The following BMPER variants were observed in gnomAD, a reference collection of about 807,000 sequenced individuals.
BMPER encodes BMP-binding endothelial regulator protein.
BMPER carries 45 observed loss-of-function variants against 87.3 expected under a neutral mutation model. The observed-to-expected ratio is 0.52, with a 90% CI of 0.41 to 0.66. The LOEUF (loss-of-function observed/expected upper bound fraction) is 0.66. Among genes scored for constraint, BMPER ranks in the 30% least tolerant of loss-of-function variants. The pLI is 0.00. For synonymous variants in BMPER, 326 were observed against 316.2 expected, an observed-to-expected ratio of 1.03 and a Z score of -0.33; for missense variants, 784 against 867.5, an observed-to-expected ratio of 0.90 and a Z score of 1.21.
chr7:34,020,859 A>C (rs1427680968), intron 6 of BMPER, among the ~76,000 whole-genome samples: 1 of 146,750 alleles, frequency 6.8e-6, no homozygotes, highest in Non-Finnish European at 1.5e-5. Flanking sequence ...TGAATTTCTT[A>C]ACACACACAC....
intron 3 of BMPER, among the ~76,000 whole-genome samples, chr7:33,944,563 T>C (rs1784838580): frequency 6.6e-6 from 1 of 152,216 alleles, no homozygotes; most frequent in Non-Finnish European, 1.5e-5. Flanking sequence ...AATTATTAAT[T>C]TTTTTGTTTG....
intron 6 of BMPER, among the ~76,000 whole-genome samples, chr7:34,031,883 CATATATATATATATATAT>C (rs757962483): frequency 8.1e-4 from 43 of 53,066 alleles, no homozygotes; most frequent in African/African-American, 1.7e-3. Flanking sequence ...TTAATTTGAC[CATATATATATATATATAT>C]ATATATATAT....
At chr7:34,041,569 C>T (rs1450313355) in intron 6 of BMPER, among the ~76,000 whole-genome samples, 1 of 152,102 alleles carries the variant, frequency 6.6e-6, no homozygotes, top group Non-Finnish European at 1.5e-5. Flanking sequence ...TGGCTAAGGA[C>T]ATTCATGGTT....
chr7:33,914,200 C>T (rs1315851111), intron 2 of BMPER, among the ~76,000 whole-genome samples: 3 of 151,986 alleles, frequency 2.0e-5, no homozygotes, highest in Admixed American at 6.6e-5. Flanking sequence ...CTCCTGACCT[C>T]GTGATCTGCC....
chr7:34,118,101 G>T (rs1790163473), intron 13 of BMPER, among the ~76,000 whole-genome samples: 1 of 152,046 alleles, frequency 6.6e-6, no homozygotes, highest in Non-Finnish European at 1.5e-5. Flanking sequence ...GGATTGCAAG[G>T]TCAGGAGTTC....
chr7:33,970,351 G>T lies in BMPER; in HGVS notation c.425G>T (p.Gly142Val), dbSNP rs1483511272. The T allele has an allele frequency of 1.2e-6, 2 of 1,614,122 alleles. No homozygotes were observed. The highest frequency in any genetic ancestry group is 2.2e-5 in the South Asian group (2 of 91,088). The change falls in exon 5 of 15, where the codon GGG (glycine) becomes GTG (valine). Residue 142 changes from glycine to valine, a missense_variant. Transcript: ENST00000649409. ...QCQEGVVTES[G>V]VRCVVHCKNP... ...CAGGAGGGCGTTGTCACAGAGTCTG[G>T]GGTGCGCTGTGTTGTTCATTGTAAA...
chr7:34,060,450 C>G (rs1788407923), intron 10 of BMPER, among the ~76,000 whole-genome samples: 3 of 152,208 alleles, frequency 2.0e-5, no homozygotes, highest in African/African-American at 7.2e-5. Flanking sequence ...TTGCAATTGA[C>G]AGCAGAGCTC....
At chr7:34,046,062 G>T (rs901542936) in intron 6 of BMPER, among the ~76,000 whole-genome samples, 1 of 152,064 alleles carries the variant, frequency 6.6e-6, no homozygotes, top group Non-Finnish European at 1.5e-5. Context: ...ATAAAGAAAA[G>T]TGGTGATGGG....
At chr7:34,143,503 G>T (rs1790931988) in intron 14 of BMPER, 143 bp downstream of exon 14, 1 of 1,291,344 alleles carries the variant, frequency 7.7e-7, no homozygotes, top group Non-Finnish European at 1.1e-6. Context: ...CATCTGGATT[G>T]CTACTTGATA....
chr7:33,943,163 A>C (rs1038617776), intron 3 of BMPER, among the ~76,000 whole-genome samples: 1 of 151,968 alleles, frequency 6.6e-6, no homozygotes, highest in Non-Finnish European at 1.5e-5. Flanking sequence ...TGTGAAACCC[A>C]CTCTGCTCAG....
chr7:34,155,035 G>A lies in BMPER; in HGVS notation c.*1762G>A, dbSNP rs546134275. 1.3e-5 allele frequency: 2 copies of A among 152,234 alleles called. No homozygotes were observed. Among genetic ancestry groups the A allele is most frequent in the Admixed American group, 1.3e-4 (2 of 15,292 alleles). The allele number at this position is 152,234 out of a possible 1,614,324, so 9.4% of individuals were successfully genotyped here. On this transcript the variant is annotated 3_prime_UTR_variant, in exon 15 of 15. Transcript: ENST00000649409. ...TTTTGCTTATCTGTAACACAAAGAGGCCATGTAGTATAGTGAGCAGGGTTG... is the reference window on the plus strand; with the variant it reads ...TTTTGCTTATCTGTAACACAAAGAGACCATGTAGTATAGTGAGCAGGGTTG...
chr7:34,129,754 T>C, intron 13 of BMPER, among the ~76,000 whole-genome samples: 1 of 152,216 alleles, frequency 6.6e-6, no homozygotes. Flanking sequence ...GGGCATGGAC[T>C]GAACTGGGGA....
chr7:33,986,676 G>A (rs1449205945), intron 6 of BMPER, among the ~76,000 whole-genome samples: 3 of 152,146 alleles, frequency 2.0e-5, no homozygotes, highest in Non-Finnish European at 4.4e-5. Context: ...AACGGGGGGT[G>A]AGCTCAGGGG....
intron 10 of BMPER, 121 bp downstream of exon 10, chr7:34,058,284 A>C: frequency 1.1e-6 from 1 of 941,018 alleles, no homozygotes; most frequent in Non-Finnish European, 1.7e-6. Context: ...TACATTCCTG[A>C]CTAGTCAAAT....
intron 2 of BMPER, among the ~76,000 whole-genome samples, chr7:33,908,539 T>C (rs1427564174): frequency 6.6e-6 from 1 of 152,216 alleles, no homozygotes; most frequent in Non-Finnish European, 1.5e-5. Context: ...GTTAGAGTCC[T>C]GCAGTTTTGA....
chr7:34,107,691 A>G (rs1789857503), intron 13 of BMPER, among the ~76,000 whole-genome samples: 1 of 152,282 alleles, frequency 6.6e-6, no homozygotes, highest in Middle Eastern at 3.4e-3. Flanking sequence ...TGTTTCTCCA[A>G]TGAGACTGCT....
chr7:34,001,300 G>A (rs1786573098), intron 6 of BMPER, among the ~76,000 whole-genome samples: 1 of 151,488 alleles, frequency 6.6e-6, no homozygotes, highest in South Asian at 2.1e-4. Flanking sequence ...CCTGGGCCTG[G>A]GCTTTTCTTC....
At chr7:34,031,139 T>C (rs769786851) in intron 6 of BMPER, among the ~76,000 whole-genome samples, 22 of 152,078 alleles carry the variant, frequency 1.4e-4, no homozygotes, top group Admixed American at 2.6e-4. Context: ...CTCAGATGGA[T>C]TGTGGTTACT....
In BMPER at chr7:33,980,837, G is replaced by A. The variant is rs570533336; in HGVS notation, c.576+6053G>A. Reference sequence around the variant, plus strand: ...ATGGGCTGTCTGTGATGAAGGAGCTGTGCTTTACTGGCTCTTAGAAGCCCT... The same window carrying A: ...ATGGGCTGTCTGTGATGAAGGAGCTATGCTTTACTGGCTCTTAGAAGCCCT... On this transcript the variant is annotated intron_variant, in intron 6 of 14. Transcript: ENST00000649409. 5.3e-5 allele frequency among the ~76,000 whole-genome samples: 8 copies of A among 152,342 alleles called. No homozygotes were observed. In the South Asian group the frequency reaches 1.7e-3, roughly 32 times the overall value.
Sources: gnomAD v4.1 joint callset for allele counts (sites outside exome capture counted in the v4.1 genomes callset) on GRCh38, gnomAD v4.1.1 for gene constraint, MANE v1.5 for transcripts, NCBI Gene and HGNC (gene_info 2026-07-23, HGNC 2026-07-21) for gene names.